LRRIQ1: variants seen among roughly 807,000 people sequenced by gnomAD.
LRRIQ1 encodes leucine-rich repeat- and IQ domain-containing protein 1.
LRRIQ1 carries 210 observed loss-of-function variants against 211.9 expected under a neutral mutation model. The ratio of observed to expected loss-of-function variants is 0.99; its 90% CI spans 0.89 to 1.11. The LOEUF (loss-of-function observed/expected upper bound fraction) is 1.11, where lower values mean the gene tolerates loss of function less well. Ranked by LOEUF, LRRIQ1 falls within the 50% of genes most tolerant of loss-of-function variation. LRRIQ1 has a pLI of 0.00. For synonymous variants in LRRIQ1, 699 were observed against 650.1 expected, an observed-to-expected ratio of 1.08 and a Z score of -1.14; for missense variants, 2,136 against 1,939.5, an observed-to-expected ratio of 1.10 and a Z score of -1.90.
At chr12:85,142,540 T>G (rs554255718) in intron 19 of LRRIQ1, among the ~76,000 whole-genome samples, 3 of 151,670 alleles carry the variant, frequency 2.0e-5, no homozygotes, top group Admixed American at 1.3e-4. Context: ...TCATGTTGCA[T>G]AACAGATCTT....
intron 6 of LRRIQ1, among the ~76,000 whole-genome samples, chr12:85,050,775 T>C (rs1445403607): frequency 6.6e-6 from 1 of 152,188 alleles, no homozygotes; most frequent in Non-Finnish European, 1.5e-5. Context: ...AATACGTTAC[T>C]TCCATGCTTA....
intron 11 of LRRIQ1, among the ~76,000 whole-genome samples, chr12:85,087,123 T>TGATGTC (rs1884912726): frequency 6.6e-6 from 1 of 151,932 alleles, no homozygotes; most frequent in African/African-American, 2.4e-5. Context: ...CCCTGGTGTG[T>TGATGTC]GATGTCCCCC....
chr12:85,141,177 A>G (rs1889506807), intron 19 of LRRIQ1, among the ~76,000 whole-genome samples: 1 of 151,348 alleles, frequency 6.6e-6, no homozygotes, highest in Non-Finnish European at 1.5e-5. Context: ...GTCTCAGCAT[A>G]TACTATATTT....
At chr12:85,269,334 A>G (rs888417003), downstream of LRRIQ1, among the ~76,000 whole-genome samples, 2 of 151,994 alleles carry the variant, frequency 1.3e-5, no homozygotes, top group African/African-American at 4.8e-5. Context: ...CATTCCAATA[A>G]TTATTGGTGT....
chr12:85,103,892 T>C, intron 13 of LRRIQ1, 112 bp from the exon 14 acceptor site: 1 of 417,904 alleles, frequency 2.4e-6, no homozygotes. Context: ...TTGTATAAAA[T>C]GTGTATAATT....
rs1889793558 is a variant in LRRIQ1 at position 85,145,012 on chromosome 12, T to G, written c.4329+7043T>G. On this transcript the variant is annotated intron_variant, in intron 19 of 26. Transcript: ENST00000393217. The stretch of plus-strand genomic sequence containing the variant: ...ATACAAAACTTACCTGACGAGGATT[T>G]CCCTTTTTTCACTGATTTAGTTGAA... Among the ~76,000 whole-genome samples, 3 of 151,608 alleles carry G rather than the reference T, an allele frequency of 2.0e-5. No individual in the cohort carries two copies. In the South Asian group the frequency reaches 6.2e-4, roughly 31 times the overall value.
chr12:85,201,246 T>C (rs1183786222), intron 24 of LRRIQ1, among the ~76,000 whole-genome samples: 2 of 150,510 alleles, frequency 1.3e-5, no homozygotes, highest in East Asian at 1.9e-4. Context: ...TTCTCTTCTT[T>C]TTTTTTTTTT....
At chr12:85,108,520 G>C (rs913617245) in intron 15 of LRRIQ1, among the ~76,000 whole-genome samples, 1 of 152,056 alleles carries the variant, frequency 6.6e-6, no homozygotes, top group Non-Finnish European at 1.5e-5. Context: ...CCTTTCCCCT[G>C]AATTTAGATG....
downstream of LRRIQ1, among the ~76,000 whole-genome samples, chr12:85,247,965 G>T (rs145557720): frequency 5.1e-3 from 766 of 151,486 alleles, 8 homozygotes; most frequent in Non-Finnish European, 9.2e-3. Flanking sequence ...CTTTCTTATG[G>T]TTTACAAAGT....
chr12:85,216,956 G>T (rs1894116807), intron 24 of LRRIQ1, among the ~76,000 whole-genome samples: 1 of 151,912 alleles, frequency 6.6e-6, no homozygotes, highest in Non-Finnish European at 1.5e-5. Flanking sequence ...TAATATTGTT[G>T]CTTATGGAAA....
intron 6 of LRRIQ1, among the ~76,000 whole-genome samples, chr12:85,051,623 A>G (rs373741791): frequency 6.6e-6 from 1 of 152,324 alleles, no homozygotes; most frequent in Non-Finnish European, 1.5e-5. Flanking sequence ...TTCTCTTGCA[A>G]TAAACTTATT....
chr12:85,131,719 G>A (rs1221912883), intron 18 of LRRIQ1, among the ~76,000 whole-genome samples: 1 of 152,076 alleles, frequency 6.6e-6, no homozygotes, highest in East Asian at 1.9e-4. Context: ...CAAGGAGCAA[G>A]TATATAGTAT....
intron 10 of LRRIQ1, among the ~76,000 whole-genome samples, chr12:85,070,037 T>G (rs1287570743): frequency 2.0e-5 from 3 of 152,080 alleles, no homozygotes; most frequent in African/African-American, 7.2e-5. Flanking sequence ...TGAATGGTAT[T>G]GCCTAGGTTT....
intron 11 of LRRIQ1, among the ~76,000 whole-genome samples, chr12:85,093,459 C>A (rs965977980): frequency 6.6e-6 from 1 of 152,122 alleles, no homozygotes; most frequent in Non-Finnish European, 1.5e-5. Context: ...TGCACACGTA[C>A]GTGAGAAGAT....
chr12:85,083,727 C>T (rs1214839797), intron 11 of LRRIQ1, among the ~76,000 whole-genome samples: 4 of 152,218 alleles, frequency 2.6e-5, no homozygotes, highest in South Asian at 2.1e-4. Flanking sequence ...CATCAGCCAC[C>T]GCACCCGGCC....
In LRRIQ1 at chr12:85,056,837, G is replaced by T; in HGVS notation, c.2044G>T (p.Ala682Ser). The change falls in exon 8 of 27, where the codon GCT (alanine) becomes TCT (serine). Residue 682 changes from alanine to serine, a missense_variant. Transcript: ENST00000393217. ...NDQDYVLGRH[A>S]PCEGLSNYNA... ...CCAAGATTATGTGTTAGGTAGACAT[G>T]CTCCTTGTGAGGGCTTGAGTAACTA... The T allele has an allele frequency of 1.2e-6, 2 of 1,613,198 alleles. No homozygotes were observed. Among genetic ancestry groups the T allele is most frequent in the Non-Finnish European group, 8.5e-7 (1 of 1,179,512 alleles).
chr12:85,176,042 G>T (rs894990858), intron 24 of LRRIQ1, among the ~76,000 whole-genome samples: 2 of 152,050 alleles, frequency 1.3e-5, no homozygotes, highest in Non-Finnish European at 2.9e-5. Context: ...ATTCTGTGAA[G>T]AAAGTCATTG....
chr12:85,104,101 T>C (rs1886598555), intron 14 of LRRIQ1, 24 bp downstream of exon 14: 1 of 1,220,382 alleles, frequency 8.2e-7, no homozygotes, highest in Middle Eastern at 2.4e-4. Context: ...AATATATATA[T>C]TTTAATAATA....
At chr12:85,217,612 A>ATATATATGTATATATG (rs533149532) in intron 24 of LRRIQ1, among the ~76,000 whole-genome samples, 1 of 127,332 alleles carries the variant, frequency 7.9e-6, no homozygotes, top group South Asian at 2.3e-4. Flanking sequence ...GTATATGTGT[A>ATATATATGTATATATG]TATATATGTA....
Sources: allele counts gnomAD v4.1 joint callset (sites outside exome capture counted in the v4.1 genomes callset), GRCh38; gene constraint gnomAD v4.1.1; transcripts MANE v1.5; gene names NCBI Gene and HGNC (gene_info 2026-07-23, HGNC 2026-07-21).